MDGA2: variants seen among roughly 807,000 people sequenced by gnomAD.
The protein encoded by MDGA2 is MAM domain-containing glycosylphosphatidylinositol anchor protein 2.
In MDGA2, 40 loss-of-function variants were observed where a neutral mutation model predicts 117.8. The ratio of observed to expected loss-of-function variants is 0.34; its 90% CI spans 0.26 to 0.44. The LOEUF is 0.44. Among genes scored for constraint, MDGA2 ranks in the 20% least tolerant of loss-of-function variants. MDGA2 has a pLI of 1.00. For synonymous variants in MDGA2, 452 were observed against 439.0 expected (o/e 1.03, Z -0.37); for missense variants, 1,123 against 1,250.6 (o/e 0.90, Z 1.54).
intron 1 of MDGA2, among the ~76,000 whole-genome samples, chr14:47,556,604 G>A (rs1030806508): frequency 1.4e-4 from 22 of 152,114 alleles, no homozygotes; most frequent in African/African-American, 5.3e-4. Flanking sequence ...GGAACAGCCT[G>A]GTCAAGTTAA....
At chr14:47,601,173 A>G (rs1322848127) in intron 1 of MDGA2, among the ~76,000 whole-genome samples, 2 of 152,196 alleles carry the variant, frequency 1.3e-5, no homozygotes, top group East Asian at 3.9e-4. Context: ...TCGAATAAAT[A>G]CTAGTCAGGG....
At chr14:47,537,516 G>C (rs1382266154) in intron 1 of MDGA2, among the ~76,000 whole-genome samples, 4 of 124,050 alleles carry the variant, frequency 3.2e-5, no homozygotes, top group Admixed American at 1.1e-4. Flanking sequence ...TGCAGCTCAA[G>C]AGTTAATCTA....
Position 46,865,610 on chromosome 14 carries a change from T to G in MDGA2, c.2752+7823A>C, listed in dbSNP as rs373700481. Among the ~76,000 whole-genome samples, 192 of 152,172 alleles carry G rather than the reference T, an allele frequency of 1.3e-3. 2 individuals are homozygous for G. The highest frequency in any genetic ancestry group is 4.4e-3 in the African/African-American group (184 of 41,552). On this transcript the variant is annotated intron_variant, in intron 14 of 16. Transcript: ENST00000399232. Reference sequence around the variant, plus strand: ...AAGAGGAAGTCAAATTGTCCCTGTTTGCAGACGACATGATTGTATATCTAG... The same window carrying G: ...AAGAGGAAGTCAAATTGTCCCTGTTGGCAGACGACATGATTGTATATCTAG...
At chr14:47,427,138 G>A (rs1404054698) in intron 1 of MDGA2, among the ~76,000 whole-genome samples, 3 of 152,008 alleles carry the variant, frequency 2.0e-5, no homozygotes, top group African/African-American at 7.2e-5. Flanking sequence ...CTGCCATCAT[G>A]CCATTATTGT....
chr14:47,521,061 T>C (rs548613722), intron 1 of MDGA2, among the ~76,000 whole-genome samples: 1 of 152,304 alleles, frequency 6.6e-6, no homozygotes, highest in African/African-American at 2.4e-5. Flanking sequence ...AAATAATTAG[T>C]GAAAATAACT....
chr14:47,181,316 G>C (rs542782815), intron 3 of MDGA2, among the ~76,000 whole-genome samples: 3 of 152,040 alleles, frequency 2.0e-5, no homozygotes, highest in African/African-American at 4.8e-5. Context: ...TCCTATTTAT[G>C]AGTGAGAACA....
intron 8 of MDGA2, among the ~76,000 whole-genome samples, chr14:46,966,985 T>C (rs1267212065): frequency 6.8e-6 from 1 of 147,210 alleles, no homozygotes; most frequent in Non-Finnish European, 1.5e-5. Flanking sequence ...TGCATTTATT[T>C]CTTGAAAAAA....
At chr14:46,850,082 G>A (rs1397951061) in intron 15 of MDGA2, among the ~76,000 whole-genome samples, 2 of 151,736 alleles carry the variant, frequency 1.3e-5, no homozygotes, top group Admixed American at 6.6e-5. Flanking sequence ...ATGCAACTTC[G>A]CAACCTTAAC....
At position 46,855,088 on chromosome 14, in the gene MDGA2, C is replaced by T; in HGVS notation, c.2819G>A (p.Ser940Asn). 1 of 1,611,882 alleles carries T rather than the reference C, an allele frequency of 6.2e-7. No individual in the cohort carries two copies. The highest frequency in any genetic ancestry group is 8.5e-7 in the Non-Finnish European group (1 of 1,178,676). The change falls in exon 15 of 17, where the codon AGT becomes AAT. Residue 940 changes from serine to asparagine, a missense_variant. Physicochemically the swap from Ser to Asn is conservative, Grantham distance 46. Around this residue, in one of 2 missense-constraint regions of MDGA2, gnomAD observed 890 missense variants for 1,050.3 expected, o/e 0.85. Transcript: ENST00000399232. The surrounding 1 kb of genome is among the most constrained non-coding windows in gnomAD (Gnocchi z 4.1). ...TTIENPLWSS[S>N]GNKGQRWNEA... ...ATTCCATCTTTGTCCTTTATTCCCA[C>T]TTGAAGACCACAGTGGATTCTCTAT...
chr14:47,225,482 T>TA (rs960197420), intron 2 of MDGA2, among the ~76,000 whole-genome samples: 1 of 151,780 alleles, frequency 6.6e-6, no homozygotes, highest in Non-Finnish European at 1.5e-5. Flanking sequence ...TATGCAGCCA[T>TA]AAAAAAGGAT....
chr14:47,402,092 T>C (rs1370648742), intron 1 of MDGA2, among the ~76,000 whole-genome samples: 2 of 152,188 alleles, frequency 1.3e-5, no homozygotes, highest in Non-Finnish European at 2.9e-5. Flanking sequence ...TCACGGTTTG[T>C]TTCTCATTCA....
chr14:46,882,596 A>T (rs1027253612), intron 10 of MDGA2, among the ~76,000 whole-genome samples: 7 of 151,650 alleles, frequency 4.6e-5, no homozygotes, highest in Admixed American at 6.6e-5. Context: ...ATTAGCAAAC[A>T]TATGCATTGC....
At chr14:46,942,301 A>G (rs1885027278) in intron 9 of MDGA2, among the ~76,000 whole-genome samples, 1 of 152,212 alleles carries the variant, frequency 6.6e-6, no homozygotes, top group Non-Finnish European at 1.5e-5. Flanking sequence ...TACATACATT[A>G]TAACATTACA....
intron 1 of MDGA2, among the ~76,000 whole-genome samples, chr14:47,616,605 A>G (rs964645517): frequency 1.3e-5 from 2 of 152,154 alleles, no homozygotes; most frequent in African/African-American, 4.8e-5. Context: ...AATGGGCCAA[A>G]TGGTTCCTTA....
rs78115883 is a variant in MDGA2 at position 47,553,134 on chromosome 14, C to T, written c.280+121383G>A. 4.8e-3 allele frequency among the ~76,000 whole-genome samples: 737 copies of T among 152,344 alleles called. 7 individuals carry two copies. Among genetic ancestry groups the T allele is most frequent in the African/African-American group, 0.016 (684 of 41,578 alleles). On this transcript the variant is annotated intron_variant, in intron 1 of 16. Coordinates refer to ENST00000399232, the MANE Select transcript of MDGA2 (RefSeq NM_001113498.3). ...TCTGCTTTGGCACTCTGTGCCACCT[C>T]GTTGATTTATTTTATCTATACATTT...
rs531753504 is a variant in MDGA2, at chr14:47,227,211, G to A, written c.421-9016C>T. On this transcript the variant is annotated intron_variant, in intron 2 of 16. Transcript: ENST00000399232. ...TTGTTTCTCATGAAATAAGGTACTA[G>A]GGATTCAGAGTTACTTGCACTCAGA... 8.5e-5 allele frequency among the ~76,000 whole-genome samples: 13 copies of A among 152,200 alleles called. No homozygotes were observed. The East Asian group carries it at 2.1e-3, about 25-fold the overall frequency.
intron 1 of MDGA2, among the ~76,000 whole-genome samples, chr14:47,307,437 T>C (rs538428715): frequency 4.4e-4 from 67 of 152,204 alleles, no homozygotes; most frequent in Non-Finnish European, 8.7e-4. Flanking sequence ...TCCCAGGACT[T>C]TGGGAGTCCG....
intron 8 of MDGA2, among the ~76,000 whole-genome samples, chr14:46,997,837 A>T (rs1323524984): frequency 6.6e-6 from 1 of 152,178 alleles, no homozygotes; most frequent in Non-Finnish European, 1.5e-5. Context: ...ATGTTTGTTA[A>T]ATTTATGAGT....
intron 1 of MDGA2, among the ~76,000 whole-genome samples, chr14:47,457,997 T>C (rs1057306702): frequency 7.8e-6 from 1 of 127,826 alleles, no homozygotes; most frequent in African/African-American, 2.6e-5. Flanking sequence ...CCATAAGATG[T>C]CTTCCCCATA....
Sources: allele counts gnomAD v4.1 joint callset (sites outside exome capture counted in the v4.1 genomes callset), GRCh38; gene constraint gnomAD v4.1.1; regional missense constraint gnomAD v4.1.1; non-coding constraint Gnocchi (gnomAD v3.1); transcripts MANE v1.5; gene names NCBI Gene and HGNC (gene_info 2026-07-23, HGNC 2026-07-21).